The following PRKAR1B variants were observed in gnomAD, a reference collection of about 807,000 sequenced individuals.
PRKAR1B encodes the protein protein kinase cAMP-dependent type I regulatory subunit beta.
In PRKAR1B, 22 loss-of-function variants were observed where a neutral mutation model predicts 46.5. That is an observed-to-expected ratio of 0.47 (90% CI 0.34 to 0.68). PRKAR1B has a LOEUF of 0.68. PRKAR1B is among the 30% of genes least tolerant of loss of function. PRKAR1B has a pLI of 0.01. For missense variants in PRKAR1B, 445 were observed against 535.6 expected (o/e 0.83, Z 1.67); for synonymous variants, 259 against 217.7 (o/e 1.19, Z -1.67).
At chr7:601,755 G>T (rs149981745) in intron 6 of PRKAR1B, among the ~76,000 whole-genome samples, 1 of 152,224 alleles carries the variant, frequency 6.6e-6, no homozygotes, top group South Asian at 2.1e-4. Flanking sequence ...GCCGGTTCCC[G>T]CAGGGGGCCC....
intron 4 of PRKAR1B, among the ~76,000 whole-genome samples, chr7:650,776 C>T (rs959600153): frequency 2.6e-5 from 4 of 152,136 alleles, no homozygotes; most frequent in African/African-American, 4.8e-5. Context: ...AGCTCAGAGA[C>T]GTCACGTCAT....
rs1225788639 is a variant in PRKAR1B, at chr7:551,418, A to C, written c.944T>G (p.Val315Gly). The C allele has an allele frequency of 6.4e-7, 1 of 1,559,606 alleles. No individual in the cohort carries two copies. Among genetic ancestry groups the C allele is most frequent in the Non-Finnish European group, 8.7e-7 (1 of 1,151,732 alleles). The change falls in exon 10 of 11, where the codon GTG (valine) becomes GGG (glycine). Residue 315 changes from valine to glycine, a missense_variant. Physicochemically the swap from Val to Gly is moderately radical, Grantham distance 109. Transcript: ENST00000537384. ...RRSPNEEYVE[V>G]GRLGPSDYFG... ...GTAGTCAGAGGGTCCCAGGCGCCCCACCTCCACGTACTCCTCATTGGGGGA... is the reference window on the plus strand; with the variant it reads ...GTAGTCAGAGGGTCCCAGGCGCCCCCCCTCCACGTACTCCTCATTGGGGGA...
chr7:694,220 G>C (rs1779601115), intron 2 of PRKAR1B, among the ~76,000 whole-genome samples: 1 of 152,146 alleles, frequency 6.6e-6, no homozygotes, highest in Admixed American at 6.5e-5. Flanking sequence ...GGGAGGCACA[G>C]CTTGCAGTGA....
intron 4 of PRKAR1B, among the ~76,000 whole-genome samples, chr7:662,628 A>G (rs1583380514): frequency 8.0e-6 from 1 of 125,160 alleles, no homozygotes; most frequent in African/African-American, 3.1e-5. Context: ...CCAAACACCT[A>G]CTCTCCCCGC....
intron 2 of PRKAR1B, among the ~76,000 whole-genome samples, chr7:698,023 CGGAGGGGAGG>C (rs1284977892): frequency 7.2e-5 from 2 of 27,866 alleles, no homozygotes; most frequent in East Asian, 1.4e-3. Flanking sequence ...GGGAAGGGAG[CGGAGGGGAGG>C]GGAGGGGAGG....
At chr7:697,683 C>G (rs566117645) in intron 2 of PRKAR1B, among the ~76,000 whole-genome samples, 12 of 151,980 alleles carry the variant, frequency 7.9e-5, no homozygotes, top group African/African-American at 2.9e-4. Flanking sequence ...ATAAGCCCAC[C>G]TAGCAGCGGC....
intron 5 of PRKAR1B, among the ~76,000 whole-genome samples, chr7:606,765 TGC>T (rs1174261871): frequency 1.9e-4 from 19 of 101,196 alleles, no homozygotes; most frequent in South Asian, 9.5e-4. Context: ...GAGAATTTTA[TGC>T]GTGTGTGTGT....
chr7:688,673 T>A (rs1779237959), intron 2 of PRKAR1B, among the ~76,000 whole-genome samples: 1 of 152,072 alleles, frequency 6.6e-6, no homozygotes. Context: ...AAGTCTCCAC[T>A]GAAATGTGAC....
intron 7 of PRKAR1B, 62 bp downstream of exon 7, chr7:596,084 T>C (rs1781252748): frequency 1.4e-5 from 22 of 1,570,538 alleles, no homozygotes; most frequent in Non-Finnish European, 1.9e-5. Flanking sequence ...AGAGCTAGGG[T>C]TCCCAGGGAC....
chr7:639,981 G>T (rs1259252339), intron 4 of PRKAR1B, among the ~76,000 whole-genome samples: 1 of 151,902 alleles, frequency 6.6e-6, no homozygotes, highest in African/African-American at 2.4e-5. Context: ...TGGCCAACAT[G>T]GTGAAACCCC....
chr7:724,356 G>C (rs1235438025), intron 1 of PRKAR1B, among the ~76,000 whole-genome samples: 1 of 152,174 alleles, frequency 6.6e-6, no homozygotes, highest in Non-Finnish European at 1.5e-5. Context: ...GGTCTTTCCT[G>C]TGCTGTTCCT....
At chr7:601,142 C>T (rs1383030227) in intron 6 of PRKAR1B, among the ~76,000 whole-genome samples, 2 of 152,172 alleles carry the variant, frequency 1.3e-5, no homozygotes, top group Admixed American at 6.5e-5. Context: ...GATGGGCCTC[C>T]GGCACTTGGC....
At chr7:580,559 T>G (rs1307379538) in intron 8 of PRKAR1B, among the ~76,000 whole-genome samples, 1 of 152,172 alleles carries the variant, frequency 6.6e-6, no homozygotes, top group Non-Finnish European at 1.5e-5. Flanking sequence ...TAGGTCAAAA[T>G]GCTTACTTCC....
At chr7:564,819 A>C (rs35584989) in intron 9 of PRKAR1B, among the ~76,000 whole-genome samples, 1 of 152,156 alleles carries the variant, frequency 6.6e-6, no homozygotes, top group African/African-American at 2.4e-5. Flanking sequence ...AGACGAACAC[A>C]TCAGCTTTGG....
At chr7:570,422 G>A (rs1779432623) in intron 9 of PRKAR1B, among the ~76,000 whole-genome samples, 2 of 152,288 alleles carry the variant, frequency 1.3e-5, no homozygotes, top group Admixed American at 6.5e-5. Context: ...CTCCGCTCTT[G>A]CGTAGCCTCG....
intron 4 of PRKAR1B, among the ~76,000 whole-genome samples, chr7:672,220 G>A (rs184421894): frequency 1.3e-5 from 2 of 151,956 alleles, no homozygotes; most frequent in South Asian, 2.1e-4. Context: ...GCATGATCTC[G>A]GCTCATTGCA....
rs143281334 is a variant in PRKAR1B, at chr7:637,209, C to T, written c.441-29757G>A. Reference sequence around the variant, plus strand: ...GGCTGAGGTGGGAGGATCGCTTGAGCTTCGGAGGCAGAGGTCTAGCCTACA... The same window carrying T: ...GGCTGAGGTGGGAGGATCGCTTGAGTTTCGGAGGCAGAGGTCTAGCCTACA... On this transcript the variant is annotated intron_variant, in intron 4 of 10. Transcript: ENST00000537384. Among the ~76,000 whole-genome samples, 704 of 152,208 alleles carry T rather than the reference C, an allele frequency of 4.6e-3. 8 individuals carry two copies. Among genetic ancestry groups the T allele is most frequent in the African/African-American group, 0.016 (677 of 41,510 alleles).
chr7:551,179 C>T (rs896732462), intron 10 of PRKAR1B, among the ~76,000 whole-genome samples: 4 of 152,084 alleles, frequency 2.6e-5, no homozygotes, highest in Non-Finnish European at 4.4e-5. Context: ...GTCCAGGGCT[C>T]GTTGCTCCTG....
intron 2 of PRKAR1B, among the ~76,000 whole-genome samples, chr7:710,669 G>A (rs1450818547): frequency 1.4e-5 from 2 of 140,536 alleles, no homozygotes; most frequent in South Asian, 2.2e-4. Flanking sequence ...TTTTTGAGAC[G>A]GAGTCTCGCT....
Sources: allele counts gnomAD v4.1 joint callset (sites outside exome capture counted in the v4.1 genomes callset), GRCh38; gene constraint gnomAD v4.1.1; transcripts MANE v1.5; gene names NCBI Gene and HGNC (gene_info 2026-07-23, HGNC 2026-07-21).